Variants in NOX4 observed in about 807,000 individuals in gnomAD.
NOX4 encodes the protein kidney oxidase-1.
Under a neutral mutation model 87.6 loss-of-function variants are expected in NOX4, and 69 were observed. That is an observed-to-expected ratio of 0.79 (90% confidence interval 0.65 to 0.96). The LOEUF is 0.96. Among genes scored for constraint, NOX4 ranks in the 40% least tolerant of loss-of-function variants. The probability of loss-of-function intolerance (pLI) is 0.00; values close to 1 mark genes in which losing one functional copy is unlikely to be tolerated. For synonymous variants in NOX4, 275 were observed against 238.2 expected (o/e 1.15, Z -1.42); for missense variants, 680 against 681.5 (o/e 1.00, Z 0.02).
intron 11 of NOX4, among the ~76,000 whole-genome samples, chr11:89,379,486 C>T (rs1016412385): frequency 7.9e-5 from 12 of 152,066 alleles, no homozygotes; most frequent in Non-Finnish European, 1.5e-4. Context: ...GACAAGGAGA[C>T]GTGAAACACA....
intron 11 of NOX4, among the ~76,000 whole-genome samples, chr11:89,383,019 A>G (rs1940411034): frequency 6.6e-6 from 1 of 151,846 alleles, no homozygotes; most frequent in Non-Finnish European, 1.5e-5. Context: ...GCATTTTATC[A>G]CCCAGTCAGC....
At chr11:89,443,912 TA>T (rs1224059506) in intron 5 of NOX4, 118 of 480,832 alleles carry the variant, frequency 2.5e-4, no homozygotes, top group Admixed American at 9.2e-4. Context: ...CATTGCAATA[TA>T]AAAAGTAGAC....
chr11:89,567,122 G>A, the NOX4 span, among the ~76,000 whole-genome samples: 3 of 152,088 alleles, frequency 2.0e-5, no homozygotes, highest in Admixed American at 2.0e-4. Context: ...CATGGGACGG[G>A]GCCAGTCTGA....
At chr11:89,342,655 C>A (rs12797241) in intron 13 of NOX4, among the ~76,000 whole-genome samples, 1 of 152,064 alleles carries the variant, frequency 6.6e-6, no homozygotes, top group South Asian at 2.1e-4. Flanking sequence ...AGAAAAATAG[C>A]AGGAGTAAGG....
chr11:89,398,372 C>A (rs1565237493), intron 11 of NOX4, among the ~76,000 whole-genome samples: 1 of 151,860 alleles, frequency 6.6e-6, no homozygotes, highest in Admixed American at 6.6e-5. Context: ...ACTGAATGGG[C>A]AAAAACTGGA....
At chr11:89,434,617 A>G (rs1943986093) in intron 6 of NOX4, among the ~76,000 whole-genome samples, 1 of 152,190 alleles carries the variant, frequency 6.6e-6, no homozygotes, top group South Asian at 2.1e-4. Flanking sequence ...GTGTTTACCC[A>G]AAAGAAACAA....
In NOX4 at chr11:89,335,906, G is replaced by A. The variant is rs1248249748; in HGVS notation, c.1555C>T (p.Leu519=). ...TTCCACCGAGGACGTCCTATAAACA[G>A]TCTTGAATTCAGTGCATGATATTTT... ...GEKYHALNSR[L]FIGRPRWKLL... is the part of the protein sequence containing the mutation. The change falls in exon 17 of 18, where the codon CTG becomes TTG. Residue 519 remains leucine (L), a synonymous_variant. Transcript: ENST00000263317. 5.0e-6 allele frequency: 8 copies of A among 1,600,556 alleles called. No individual in the cohort carries two copies. The highest frequency in any genetic ancestry group is 4.5e-5 in the East Asian group (2 of 44,368).
At chr11:89,575,771 C>A in the NOX4 span, among the ~76,000 whole-genome samples, 10 of 151,900 alleles carry the variant, frequency 6.6e-5, no homozygotes, top group Non-Finnish European at 1.5e-4. Context: ...TCTTCTACTT[C>A]ATTTCCTTCT....
intron 11 of NOX4, among the ~76,000 whole-genome samples, chr11:89,399,049 T>G (rs1471399671): frequency 6.6e-6 from 1 of 151,800 alleles, no homozygotes; most frequent in Non-Finnish European, 1.5e-5. Context: ...TGGGGAAAAA[T>G]TTTTTTAAGT....
At chr11:89,405,743 G>GT (rs1408643202) in intron 8 of NOX4, among the ~76,000 whole-genome samples, 1 of 118,440 alleles carries the variant, frequency 8.4e-6, no homozygotes, top group African/African-American at 4.1e-5. Context: ...CCACCTACTG[G>GT]TTAAAAAAGA....
chr11:89,505,379 G>T, the NOX4 span, among the ~76,000 whole-genome samples: 1 of 151,892 alleles, frequency 6.6e-6, no homozygotes, highest in South Asian at 2.1e-4. Context: ...ATTAGAAACA[G>T]TATAAATAAT....
At chr11:89,516,498 A>C in the NOX4 span, among the ~76,000 whole-genome samples, 2 of 151,996 alleles carry the variant, frequency 1.3e-5, no homozygotes, top group African/African-American at 4.8e-5. Context: ...TTAAATCTCA[A>C]GATAAGATGC....
chr11:89,382,274 G>T (rs1266064698), intron 11 of NOX4, among the ~76,000 whole-genome samples: 1 of 151,886 alleles, frequency 6.6e-6, no homozygotes, highest in African/African-American at 2.4e-5. Context: ...TGTGTTCCAA[G>T]AACTTAAAGC....
chr11:89,422,737 A>G (rs2135268403), intron 7 of NOX4, among the ~76,000 whole-genome samples: 1 of 151,652 alleles, frequency 6.6e-6, no homozygotes, highest in African/African-American at 2.4e-5. Context: ...CTCCACTCAT[A>G]GTATTTGGTA....
In NOX4 at chr11:89,325,115, C is replaced by CTTCTTTTTTT. The variant is rs1945171236; in HGVS notation, c.*1640_*1641insAAAAAAAGAA. The CTTCTTTTTTT allele has an allele frequency of 1.3e-5, 1 of 76,330 alleles. No individual in the cohort carries two copies. The highest frequency in any genetic ancestry group is 5.6e-5 in the African/African-American group (1 of 17,700). 4.7% of individuals were successfully genotyped at this position (76,330 alleles called of 1,614,324 possible). ...ACTAAACTGTATGAATGCTTTAATT[C>CTTCTTTTTTT]TTTTTTTTTTTTTTTTTTTTTTTTT... On this transcript the variant is annotated 3_prime_UTR_variant, in exon 18 of 18. Transcript: ENST00000263317.
intron 12 of NOX4, among the ~76,000 whole-genome samples, chr11:89,355,354 G>A (rs965787317): frequency 1.9e-4 from 28 of 146,908 alleles, no homozygotes; most frequent in Admixed American, 9.6e-4. Flanking sequence ...ATAAAATTAA[G>A]CCTGGATTAA....
intron 2 of NOX4, among the ~76,000 whole-genome samples, chr11:89,454,055 A>G (rs1019817565): frequency 2.0e-5 from 3 of 152,112 alleles, no homozygotes; most frequent in African/African-American, 4.8e-5. Context: ...ATATTTGAGA[A>G]GTACTAGACA....
intron 8 of NOX4, among the ~76,000 whole-genome samples, chr11:89,409,066 T>C (rs1942334927): frequency 6.6e-6 from 1 of 151,580 alleles, no homozygotes; most frequent in East Asian, 1.9e-4. Flanking sequence ...TTCACGGGTA[T>C]AAAAAGGGAA....
At chr11:89,532,983 G>A in the NOX4 span, among the ~76,000 whole-genome samples, 8 of 152,156 alleles carry the variant, frequency 5.3e-5, no homozygotes, top group African/African-American at 1.7e-4. Flanking sequence ...CCAGACATGC[G>A]GATCAGTGAG....
Sources: allele counts gnomAD v4.1 joint callset (sites outside exome capture counted in the v4.1 genomes callset), GRCh38; gene constraint gnomAD v4.1.1; transcripts MANE v1.5; gene names NCBI Gene and HGNC (gene_info 2026-07-23, HGNC 2026-07-21).